Variants in COL23A1 observed in about 807,000 individuals in gnomAD.
The protein encoded by COL23A1 is collagen alpha-1(XXIII) chain.
Under a neutral mutation model 99.3 loss-of-function variants are expected in COL23A1, and 97 were observed. The ratio of observed to expected loss-of-function variants is 0.98; its 90% CI spans 0.83 to 1.16. COL23A1 has a LOEUF of 1.16. COL23A1 is among the 50% of genes most tolerant of loss of function. The pLI, the probability that COL23A1 is intolerant of heterozygous loss-of-function variation, is 0.00. For missense variants in COL23A1, 762 were observed against 757.4 expected (o/e 1.01, Z -0.07); for synonymous variants, 320 against 308.2 (o/e 1.04, Z -0.40).
intron 3 of COL23A1, among the ~76,000 whole-genome samples, chr5:178,290,987 AT>A (rs1757425756): frequency 6.6e-6 from 1 of 152,218 alleles, no homozygotes; most frequent in African/African-American, 2.4e-5. Context: ...TCGTTATTGC[AT>A]TTGACCTTCC....
At chr5:178,494,258 G>A (rs562061785) in intron 2 of COL23A1, among the ~76,000 whole-genome samples, 1 of 152,326 alleles carries the variant, frequency 6.6e-6, no homozygotes, top group East Asian at 1.9e-4. Flanking sequence ...TTTTGGTTCA[G>A]GAGACACTTG....
At chr5:178,566,883 G>A (rs56941048) in intron 1 of COL23A1, among the ~76,000 whole-genome samples, 2,492 of 152,248 alleles carry the variant, frequency 0.016, 63 homozygotes, top group African/African-American at 0.056. Context: ...TGTAAACACT[G>A]TACTCTAGCT....
At chr5:178,356,988 C>G (rs1761694101) in intron 2 of COL23A1, among the ~76,000 whole-genome samples, 1 of 152,254 alleles carries the variant, frequency 6.6e-6, no homozygotes, top group African/African-American at 2.4e-5. Flanking sequence ...GGATGCTCAA[C>G]AAAAGTTAGG....
At chr5:178,483,469 C>T (rs2127955894) in intron 2 of COL23A1, among the ~76,000 whole-genome samples, 1 of 152,336 alleles carries the variant, frequency 6.6e-6, no homozygotes, top group South Asian at 2.1e-4. Flanking sequence ...CTCACATCTT[C>T]CCCTTCTCCT....
intron 1 of COL23A1, among the ~76,000 whole-genome samples, chr5:178,564,101 GAGA>G (rs1001631534): frequency 6.6e-6 from 1 of 152,204 alleles, no homozygotes; most frequent in African/African-American, 2.4e-5. Flanking sequence ...CCTGAAGGGG[GAGA>G]AGGATTTTAT....
chr5:178,406,543 C>T (rs1764775354), intron 2 of COL23A1, among the ~76,000 whole-genome samples: 1 of 151,876 alleles, frequency 6.6e-6, no homozygotes, highest in Non-Finnish European at 1.5e-5. Flanking sequence ...GATTCTCTTG[C>T]CTCAGCCTCC....
At chr5:178,388,410 G>A (rs1211961881) in intron 2 of COL23A1, among the ~76,000 whole-genome samples, 1 of 152,212 alleles carries the variant, frequency 6.6e-6, no homozygotes, top group East Asian at 1.9e-4. Context: ...AACCTGCAGC[G>A]GGGCAGCTCA....
At chr5:178,504,912 C>A (rs1322360348) in intron 2 of COL23A1, among the ~76,000 whole-genome samples, 1 of 152,168 alleles carries the variant, frequency 6.6e-6, no homozygotes, top group African/African-American at 2.4e-5. Context: ...CTCAAAGCAC[C>A]TTAAAATGAG....
At chr5:178,379,991 C>G (rs1763292166) in intron 2 of COL23A1, among the ~76,000 whole-genome samples, 1 of 152,182 alleles carries the variant, frequency 6.6e-6, no homozygotes, top group Non-Finnish European at 1.5e-5. Context: ...GGAGGCCCCA[C>G]AGCCTCAGGT....
rs1385600191 is a variant in COL23A1 at position 178,256,358 on chromosome 5, G to A, written c.877C>T (p.Pro293Ser). 5.0e-6 allele frequency: 8 copies of A among 1,603,378 alleles called. No individual in the cohort carries two copies. Among genetic ancestry groups the A allele is most frequent in the South Asian group, 4.4e-5 (4 of 90,078 alleles). ...CCTGAGGGGCGGCAGCTTACCCGGG[G>A]CCCTGCAGCTCCATCCGTGCCTCGG... ...GHRGTDGAAGPRGAPGLKGEQ... is the reference protein window; with the variant it reads ...GHRGTDGAAGSRGAPGLKGEQ... The change falls in exon 15 of 29, where the codon CCC (proline) becomes TCC (serine). Residue 293 changes from proline to serine, a missense_variant. Coordinates refer to ENST00000390654, the MANE Select transcript of COL23A1 (RefSeq NM_173465.4).
chr5:178,528,937 C>T (rs568550937), intron 2 of COL23A1, among the ~76,000 whole-genome samples: 2 of 152,328 alleles, frequency 1.3e-5, no homozygotes, highest in South Asian at 2.1e-4. Context: ...TGCTTAGAGA[C>T]GGTGTATCAG....
intron 17 of COL23A1, among the ~76,000 whole-genome samples, chr5:178,252,080 A>T (rs1765067828): frequency 6.6e-6 from 1 of 151,426 alleles, no homozygotes; most frequent in African/African-American, 2.4e-5. Flanking sequence ...CGCCCGGCTA[A>T]TTTTTTGTAT....
intron 5 of COL23A1, among the ~76,000 whole-genome samples, chr5:178,278,080 A>G (rs1369646858): frequency 1.3e-5 from 2 of 152,236 alleles, no homozygotes; most frequent in Non-Finnish European, 2.9e-5. Flanking sequence ...AGTAGGGAGC[A>G]GCAGCTGACG....
At chr5:178,256,833 C>T (rs541156285) in intron 14 of COL23A1, 33 bp downstream of exon 14, 31 of 1,600,470 alleles carry the variant, frequency 1.9e-5, no homozygotes, top group Middle Eastern at 1.7e-4. Flanking sequence ...GAGCGGGGCC[C>T]GCAGGCGCCA....
rs1332265126 is a variant in COL23A1 at position 178,590,323 on chromosome 5, T to G, written c.-126A>C. The G allele has an allele frequency of 1.2e-6, 1 of 863,594 alleles. No homozygotes were observed. The highest frequency in any genetic ancestry group is 1.5e-6 in the Non-Finnish European group (1 of 675,138). 53.5% of individuals were successfully genotyped at this position (863,594 alleles called of 1,614,324 possible). A position where few individuals can be genotyped will look rare whatever the true frequency, so the allele number is the denominator to read the frequency against. ...CCGGGCGCGGGGGTTAGCCTCCGGG[T>G]AGCAGCGGATCGCCGCGCACGCCCC... On this transcript the variant is annotated 5_prime_UTR_variant, in exon 1 of 29. Coordinates refer to ENST00000390654, the MANE Select transcript of COL23A1 (RefSeq NM_173465.4). This position sits in a 1 kb window ranked among gnomAD's most constrained non-coding sequence, Gnocchi z 5.7.
At chr5:178,391,490 A>G (rs999088194) in intron 2 of COL23A1, among the ~76,000 whole-genome samples, 4 of 152,252 alleles carry the variant, frequency 2.6e-5, no homozygotes, top group Non-Finnish European at 5.9e-5. Flanking sequence ...AGGAAACGTC[A>G]TTAGACAGCA....
In COL23A1 at chr5:178,292,736, C is replaced by G. The variant is rs150725089; in HGVS notation, c.407-2367G>C. Among the ~76,000 whole-genome samples, 494 of 152,284 alleles carry G rather than the reference C, an allele frequency of 3.2e-3. 4 individuals carry two copies. Among genetic ancestry groups the G allele is most frequent in the African/African-American group, 0.011 (467 of 41,562 alleles). ...ATTCTGACAGCACAGCCAAGAGGAT[C>G]TCCCTAGTTTTGGCTTCAGCAACTG... On this transcript the variant is annotated intron_variant, in intron 3 of 28. Coordinates refer to ENST00000390654, the MANE Select transcript of COL23A1 (RefSeq NM_173465.4).
At chr5:178,298,676 G>A (rs72819083) in intron 3 of COL23A1, among the ~76,000 whole-genome samples, 2,955 of 152,298 alleles carry the variant, frequency 0.019, 37 homozygotes, top group Non-Finnish European at 0.029. Flanking sequence ...GTAAGATGCT[G>A]CACCCTGGCT....
chr5:178,504,393 G>A (rs1253447897), intron 2 of COL23A1, among the ~76,000 whole-genome samples: 1 of 152,190 alleles, frequency 6.6e-6, no homozygotes, highest in East Asian at 1.9e-4. Context: ...GGGGTCAAGA[G>A]GCTGCCCATG....
Sources: allele counts gnomAD v4.1 joint callset (sites outside exome capture counted in the v4.1 genomes callset), GRCh38; gene constraint gnomAD v4.1.1; non-coding constraint Gnocchi (gnomAD v3.1); transcripts MANE v1.5; gene names NCBI Gene and HGNC (gene_info 2026-07-23, HGNC 2026-07-21).